The following OLAH variants were observed in gnomAD, a reference collection of about 807,000 sequenced individuals.
The protein encoded by OLAH is oleoyl-ACP hydrolase, also known as S-acyl fatty acid synthase thioesterase, medium chain.
In OLAH, 33 loss-of-function variants were observed where a neutral mutation model predicts 27.8. The observed-to-expected ratio is 1.19, with a 90% CI of 0.90 to 1.59. The LOEUF is 1.59. OLAH is among the 40% of genes most tolerant of loss of function. OLAH has a pLI of 0.00. For missense variants in OLAH, 359 were observed against 310.8 expected (o/e 1.16, Z -1.17); for synonymous variants, 120 against 102.9 (o/e 1.17, Z -1.01).
chr10:15,064,538 G>A lies in OLAH; in HGVS notation c.402+36G>A, dbSNP rs1844429848. ...TAGCTTTTTCCTAGGAAGGGCAGTGGAGAGCAGGGAAATGGGGATAAAAAT... is the reference window on the plus strand; with the variant it reads ...TAGCTTTTTCCTAGGAAGGGCAGTGAAGAGCAGGGAAATGGGGATAAAAAT... On this transcript the variant is annotated intron_variant, in intron 5 of 7. Transcript: ENST00000378228. 5.8e-6 allele frequency: 7 copies of A among 1,197,038 alleles called. No individual in the cohort carries two copies. In the East Asian group the frequency reaches 7.6e-5, roughly 13 times the overall value. 74.2% of individuals were successfully genotyped at this position (1,197,038 alleles called of 1,614,324 possible).
At chr10:15,041,965 A>G (rs1022344100), upstream of OLAH, among the ~76,000 whole-genome samples, 2 of 151,448 alleles carry the variant, frequency 1.3e-5, no homozygotes, top group Non-Finnish European at 2.9e-5. Context: ...ATCTCCATCT[A>G]ACTTTTCTGT....
rs574125683 is a variant in OLAH at position 15,068,285 on chromosome 10, C to A, written c.572+2532C>A. Among the ~76,000 whole-genome samples the A allele has an allele frequency of 6.6e-5, 10 of 152,216 alleles. No homozygotes were observed. The East Asian group carries it at 1.7e-3, about 26-fold the overall frequency. On this transcript the variant is annotated intron_variant, in intron 6 of 7. Transcript: ENST00000378228. The stretch of plus-strand genomic sequence containing the variant: ...AATTAATCCTATGTATTTTAAAGTC[C>A]CTGTTTGAGAGTTCCAACATCTGGG...
chr10:15,046,780 T>G (rs1844026694), intron 1 of OLAH, among the ~76,000 whole-genome samples: 1 of 152,340 alleles, frequency 6.6e-6, no homozygotes, highest in East Asian at 1.9e-4. Flanking sequence ...CTTAGAAAGC[T>G]AAGACATCTC....
At chr10:15,052,307 G>T (rs1844159817) in intron 3 of OLAH, among the ~76,000 whole-genome samples, 1 of 152,082 alleles carries the variant, frequency 6.6e-6, no homozygotes, top group South Asian at 2.1e-4. Context: ...AAACAATGTG[G>T]CTGCTGGCTT....
chr10:15,036,932 A>G (rs1843849159), intron 1 of OLAH, among the ~76,000 whole-genome samples: 2 of 152,080 alleles, frequency 1.3e-5, no homozygotes, highest in Admixed American at 1.3e-4. Flanking sequence ...TACGAAAATT[A>G]GCCAAGCATG....
chr10:15,052,707 G>T (rs1009790326), intron 3 of OLAH, among the ~76,000 whole-genome samples: 4 of 150,026 alleles, frequency 2.7e-5, no homozygotes, highest in Non-Finnish European at 4.4e-5. Flanking sequence ...AAATGACTTG[G>T]TAATTTGTTT....
At chr10:15,058,603 A>G (rs1177144155) in intron 3 of OLAH, among the ~76,000 whole-genome samples, 1 of 152,196 alleles carries the variant, frequency 6.6e-6, no homozygotes, top group Non-Finnish European at 1.5e-5. Context: ...AATGTTTAGT[A>G]AGAACTTCTG....
chr10:15,059,812 A>G (rs1844327076), intron 3 of OLAH, among the ~76,000 whole-genome samples: 1 of 152,168 alleles, frequency 6.6e-6, no homozygotes, highest in Admixed American at 6.5e-5. Context: ...TCTCAAAAAA[A>G]TAAATAAATA....
chr10:15,057,374 G>A (rs1207844538), intron 3 of OLAH, among the ~76,000 whole-genome samples: 2 of 144,962 alleles, frequency 1.4e-5, no homozygotes, highest in East Asian at 2.1e-4. Flanking sequence ...GTTTTCACAT[G>A]TATGTGGGTC....
chr10:15,044,093 G>A (rs1350825391), intron 1 of OLAH, 107 bp downstream of exon 1: 4 of 152,086 alleles, frequency 2.6e-5, no homozygotes, highest in East Asian at 1.9e-4. Context: ...TCTAATCTGC[G>A]AATATTGCTT....
chr10:15,058,227 T>C (rs551213676), intron 3 of OLAH, among the ~76,000 whole-genome samples: 27 of 152,322 alleles, frequency 1.8e-4, no homozygotes, highest in Admixed American at 2.6e-4. Context: ...GCTGGGACTA[T>C]AGGAATGTGC....
At chr10:15,070,215 C>T (rs1196083534) in intron 6 of OLAH, among the ~76,000 whole-genome samples, 1 of 151,108 alleles carries the variant, frequency 6.6e-6, no homozygotes, top group Non-Finnish European at 1.5e-5. Flanking sequence ...ACATTCCAGG[C>T]AGGAGCAAAT....
In OLAH at chr10:15,064,709, G is replaced by C. The variant is rs148823890; in HGVS notation, c.402+207G>C. Among the ~76,000 whole-genome samples the C allele has an allele frequency of 4.7e-3, 723 of 152,296 alleles. 5 individuals are homozygous for C. Among genetic ancestry groups the C allele is most frequent in the African/African-American group, 0.017 (699 of 41,562 alleles). On this transcript the variant is annotated intron_variant, in intron 5 of 7. Coordinates refer to ENST00000378228, the MANE Select transcript of OLAH (RefSeq NM_001039702.3). ...GTCTCATTCTGCTGCCCAGGCTAGA[G>C]TGCAGTGGCACGATCTTGTCTCACT...
At chr10:15,061,437 A>G (rs1844359915) in intron 3 of OLAH, among the ~76,000 whole-genome samples, 1 of 150,390 alleles carries the variant, frequency 6.6e-6, no homozygotes, top group Non-Finnish European at 1.5e-5. Flanking sequence ...TGGGGTAAGC[A>G]TTTCATCAGC....
rs1288095564 is a variant in OLAH, at chr10:15,061,848, A to C, written c.288A>C (p.Ala96=). ...LQPVIQDKPF[A]FFGHSMGSYI... ...CAGTCATCCAGGATAAACCATTTGC[A>C]TTTTTTGGCCACAGGTATTTGATAT... The change falls in exon 4 of 8, where the codon GCA becomes GCC. Residue 96 remains alanine (A), a synonymous_variant. Coordinates refer to ENST00000378228, the MANE Select transcript of OLAH (RefSeq NM_001039702.3). 1.9e-6 allele frequency: 3 copies of C among 1,613,144 alleles called. No homozygotes were observed. Among genetic ancestry groups the C allele is most frequent in the Non-Finnish European group, 2.5e-6 (3 of 1,179,646 alleles).
At chr10:15,037,699 C>A (rs760218596) in intron 1 of OLAH, among the ~76,000 whole-genome samples, 3 of 152,096 alleles carry the variant, frequency 2.0e-5, no homozygotes, top group Admixed American at 1.3e-4. Flanking sequence ...TGTGAGCTAT[C>A]CACAGGCAGC....
intron 1 of OLAH, among the ~76,000 whole-genome samples, chr10:15,045,682 T>C (rs577490594): frequency 1.4e-3 from 220 of 152,280 alleles, no homozygotes; most frequent in African/African-American, 5.1e-3. Context: ...TCACCTGAGC[T>C]CCCTGGAACT....
At chr10:15,057,429 G>A (rs992874832) in intron 3 of OLAH, among the ~76,000 whole-genome samples, 11 of 130,114 alleles carry the variant, frequency 8.5e-5, no homozygotes, top group African/African-American at 2.4e-4. Flanking sequence ...ATGGAGTCTC[G>A]CTCTGGAGTG....
In OLAH at chr10:15,034,101, CATTTTTTTTTTTTCT is replaced by C. The variant is rs1183562308; in HGVS notation, c.-164+1752_-164+1766del. Among the ~76,000 whole-genome samples, 1,003 of 139,422 alleles carry C rather than the reference CATTTTTTTTTTTTCT, an allele frequency of 7.2e-3. 18 individuals carry two copies. The highest frequency in any genetic ancestry group is 0.026 in the African/African-American group (940 of 36,268). The allele number at this position is 139,422 out of a possible 152,430, so 91.5% of individuals were successfully genotyped here. A position where few individuals can be genotyped will look rare whatever the true frequency, so the allele number is the denominator to read the frequency against. ...TCCTAGAGGAAAGGGCAGACTCCACCATTTTTTTTTTTTCTTTTTTTTTTTTTTTTGAGACGGAGT... is the reference window on the plus strand; with the variant it reads ...TCCTAGAGGAAAGGGCAGACTCCACCTTTTTTTTTTTTTTTGAGACGGAGT... On this transcript the variant is annotated intron_variant, in intron 1 of 3. Coordinates refer to the OLAH transcript ENST00000413672.
Sources: gnomAD v4.1 joint callset for allele counts (sites outside exome capture counted in the v4.1 genomes callset) on GRCh38, gnomAD v4.1.1 for gene constraint, MANE v1.5 for transcripts, NCBI Gene and HGNC (gene_info 2026-07-23, HGNC 2026-07-21) for gene names.